PGK1: variants seen among roughly 807,000 people sequenced by gnomAD.
PGK1 encodes PRP 2.
PGK1 carries 3 observed loss-of-function variants against 26.9 expected under a neutral mutation model. That is an observed-to-expected ratio of 0.11 (90% CI 0.05 to 0.29). The LOEUF (loss-of-function observed/expected upper bound fraction) is 0.29, where lower values mean the gene tolerates loss of function less well. PGK1 is among the 10% of genes least tolerant of loss of function. PGK1 has a pLI of 1.00. For synonymous variants in PGK1, 125 were observed against 115.3 expected, an observed-to-expected ratio of 1.08 and a Z score of -0.54; for missense variants, 270 against 314.7, an observed-to-expected ratio of 0.86 and a Z score of 1.07.
chrX:78,125,375 A>G lies in PGK1; in HGVS notation c.1163A>G (p.Lys388Arg). ...TCCAKWNTED[K>R]VSHVSTGGGA... ...TGTGCCAAATGGAACACGGAGGATAAAGTCAGCCATGTGAGCACTGGGGGT... is the reference window on the plus strand; with the variant it reads ...TGTGCCAAATGGAACACGGAGGATAGAGTCAGCCATGTGAGCACTGGGGGT... The change falls in exon 10 of 11, where the codon AAA becomes AGA. Residue 388 changes from lysine (K) to arginine (R), a missense_variant. Transcript: ENST00000373316. The G allele has an allele frequency of 3.3e-6, 4 of 1,209,167 alleles. No individual in the cohort carries two copies. Among genetic ancestry groups the G allele is most frequent in the Non-Finnish European group, 4.5e-6 (4 of 893,313 alleles).
intron 5 of PGK1, 106 bp downstream of exon 5, chrX:78,117,521 C>T (rs2078332557): frequency 1.8e-6 from 1 of 552,354 alleles, no homozygotes; most frequent in Non-Finnish European, 3.2e-6. Context: ...TACTGTAATC[C>T]TTTCAGCTTC....
chrX:78,115,791 T>C (rs368367023), intron 4 of PGK1, among the ~76,000 whole-genome samples: 13 of 112,400 alleles, frequency 1.2e-4, no homozygotes, highest in East Asian at 8.3e-4. Context: ...TGGGTTCTGA[T>C]TGATATTATT....
At position 78,104,295 on chromosome X, in the gene PGK1, C is replaced by G. The variant is rs1340061714; in HGVS notation, c.-46C>G. ...GGAGCGCACGTCGGCAGTCGGCTCC[C>G]TCGTTGACCGAATCACCGACCTCTC... On this transcript the variant is annotated 5_prime_UTR_variant, in exon 1 of 11. Transcript: ENST00000373316. 2.0e-6 allele frequency: 2 copies of G among 1,017,396 alleles called. No homozygotes were observed. Among genetic ancestry groups the G allele is most frequent in the Non-Finnish European group, 2.8e-6 (2 of 721,094 alleles). The allele number at this position is 1,017,396 out of a possible 1,213,427, so 83.8% of individuals were successfully genotyped here. A position where few individuals can be genotyped will look rare whatever the true frequency, so the allele number is the denominator to read the frequency against.
rs782504246 is a variant in PGK1, at chrX:78,125,367, G to A, written c.1155G>A (p.Thr385=). 2.5e-6 allele frequency: 3 copies of A among 1,206,057 alleles called. No homozygotes were observed. Among genetic ancestry groups the A allele is most frequent in the East Asian group, 5.9e-5 (2 of 33,729 alleles). The part of the protein sequence containing the change: ...DTATCCAKWN[T]EDKVSHVSTG... ...CCACTTGCTGTGCCAAATGGAACACGGAGGATAAAGTCAGCCATGTGAGCA... is the reference window on the plus strand; with the variant it reads ...CCACTTGCTGTGCCAAATGGAACACAGAGGATAAAGTCAGCCATGTGAGCA... Residue 385 remains threonine, a synonymous_variant, in exon 10 of 11, where the codon ACG becomes ACA. Coordinates refer to ENST00000373316, the MANE Select transcript of PGK1 (RefSeq NM_000291.4).
chrX:78,104,426 G>T lies in PGK1; in HGVS notation c.65+21G>T, dbSNP rs782559909. The T allele has an allele frequency of 2.0e-5, 23 of 1,129,444 alleles. No individual in the cohort carries two copies. In the East Asian group the frequency reaches 6.0e-4, roughly 29 times the overall value. 93.1% of individuals were successfully genotyped at this position (1,129,444 alleles called of 1,213,427 possible). On this transcript the variant is annotated intron_variant, in intron 1 of 10. Coordinates refer to ENST00000373316, the MANE Select transcript of PGK1 (RefSeq NM_000291.4). ...ATGAGGTAATTCTGCACGTTTGCCC[G>T]CGTGCTCTCTGTGCTCTGTCGCAAA...
At chrX:78,118,001 G>A (rs1557247627) in intron 5 of PGK1, 50 bp from the exon 6 acceptor site, 66 of 1,149,695 alleles carry the variant, frequency 5.7e-5, no homozygotes, top group Non-Finnish European at 7.7e-5. Flanking sequence ...CTAGGACTAG[G>A]AGGAATGATA....
intron 1 of PGK1, chrX:78,106,328 A>AC: frequency 8.1e-6 from 5 of 618,122 alleles, no homozygotes; most frequent in Non-Finnish European, 9.7e-6. Flanking sequence ...CGAGACAATG[A>AC]CCAAGGATAC....
Position 78,127,837 on chromosome X carries a change from T to G in PGK1, c.*2007T>G, listed in dbSNP as rs1452921109. The G allele has an allele frequency of 8.9e-6, 1 of 112,529 alleles. No individual in the cohort carries two copies. The highest frequency in any genetic ancestry group is 3.2e-5 in the African/African-American group (1 of 30,994). The allele number at this position is 112,529 out of a possible 1,213,427, so 9.3% of individuals were successfully genotyped here. Reference sequence around the variant, plus strand: ...AAATTGTACCATGTTTCTGCATACCTCTATGGGTACTCAGGAATTCTAGTC... The same window carrying G: ...AAATTGTACCATGTTTCTGCATACCGCTATGGGTACTCAGGAATTCTAGTC... On this transcript the variant is annotated 3_prime_UTR_variant, in exon 11 of 11. Coordinates refer to ENST00000373316, the MANE Select transcript of PGK1 (RefSeq NM_000291.4).
chrX:78,104,584 A>C (rs1206692164), intron 1 of PGK1, among the ~76,000 whole-genome samples, 179 bp downstream of exon 1: 1 of 111,004 alleles, frequency 9.0e-6, no homozygotes, highest in African/African-American at 3.3e-5. Context: ...CATTTTCCCC[A>C]GCCCAGAAAG....
chrX:78,118,029 G>T (rs1384029048), intron 5 of PGK1, 22 bp from the exon 6 acceptor site: 5 of 1,196,482 alleles, frequency 4.2e-6, no homozygotes, highest in Non-Finnish European at 5.7e-6. Context: ...ACTAGAATCT[G>T]AATGTCTTTG....
intron 1 of PGK1, chrX:78,106,528 G>A (rs1557246227): frequency 1.3e-6 from 1 of 752,537 alleles, no homozygotes; most frequent in South Asian, 6.8e-5. Context: ...TCAACGTGGT[G>A]GTTGCTGGCG....
At chrX:78,115,458 C>T (rs1300788965) in intron 4 of PGK1, among the ~76,000 whole-genome samples, 1 of 110,909 alleles carries the variant, frequency 9.0e-6, no homozygotes, top group Admixed American at 9.6e-5. Context: ...GAGTTCGAGA[C>T]CTGCCTGGCC....
At chrX:78,117,485 G>T in intron 5 of PGK1, 70 bp downstream of exon 5, 1 of 730,192 alleles carries the variant, frequency 1.4e-6, no homozygotes, top group Non-Finnish European at 2.2e-6. Context: ...CCAAGCTCTG[G>T]GTTGTTTTTG....
chrX:78,113,320 A>G (rs911348642), intron 2 of PGK1, among the ~76,000 whole-genome samples: 3 of 111,543 alleles, frequency 2.7e-5, no homozygotes, highest in Non-Finnish European at 5.7e-5. Context: ...AGGAAAAGAA[A>G]AAAAAAATTC....
intron 6 of PGK1, among the ~76,000 whole-genome samples, chrX:78,120,613 G>C (rs1324319638): frequency 9.1e-6 from 1 of 109,584 alleles, no homozygotes; most frequent in Non-Finnish European, 1.9e-5. Context: ...TCCCACCTCA[G>C]CCTCCCTAGT....
Position 78,127,976 on chromosome X carries a change from A to G in PGK1, c.*2146A>G, listed in dbSNP as rs190271806. 8.9e-6 allele frequency: 1 copy of G among 111,997 alleles called. No homozygotes were observed. The allele number at this position is 111,997 out of a possible 1,213,427, so 9.2% of individuals were successfully genotyped here. ...ATAAACCCAGCACCTAGACTCTACAATTGCCAACATTATCTATCCAACAAT... is the reference window on the plus strand; with the variant it reads ...ATAAACCCAGCACCTAGACTCTACAGTTGCCAACATTATCTATCCAACAAT... On this transcript the variant is annotated 3_prime_UTR_variant, in exon 11 of 11. Coordinates refer to ENST00000373316, the MANE Select transcript of PGK1 (RefSeq NM_000291.4).
chrX:78,114,159 A>C lies in PGK1; in HGVS notation c.416A>C (p.Lys139Thr). The change falls in exon 4 of 11, where the codon AAG becomes ACG. Residue 139 changes from lysine (K) to threonine (T), a missense_variant and splice_region_variant. By Grantham distance (78) the Lys-to-Thr change is moderately conservative. Coordinates refer to ENST00000373316, the MANE Select transcript of PGK1 (RefSeq NM_000291.4). Reference sequence around the variant, plus strand: ...AAGGGAAAAGATGCTTCTGGGAACAAGGTAGGACCTGTGATTTTGACATTA... The same window carrying C: ...AAGGGAAAAGATGCTTCTGGGAACACGGTAGGACCTGTGATTTTGACATTA... ...EGKGKDASGNKVKAEPAKIEA... is the reference protein window; with the variant it reads ...EGKGKDASGNTVKAEPAKIEA... The C allele has an allele frequency of 8.3e-7, 1 of 1,209,140 alleles. No homozygotes were observed. The highest frequency in any genetic ancestry group is 1.1e-6 in the Non-Finnish European group (1 of 893,077).
Position 78,104,288 on chromosome X carries a change from C to A in PGK1, c.-53C>A, listed in dbSNP as rs782774228. The A allele has an allele frequency of 3.2e-6, 3 of 945,258 alleles. No individual in the cohort carries two copies. Among genetic ancestry groups the A allele is most frequent in the African/African-American group, 3.8e-5 (2 of 52,425 alleles). The allele number at this position is 945,258 out of a possible 1,213,427, so 77.9% of individuals were successfully genotyped here. A position where few individuals can be genotyped will look rare whatever the true frequency, so the allele number is the denominator to read the frequency against. ...AGCCTCCGGAGCGCACGTCGGCAGT[C>A]GGCTCCCTCGTTGACCGAATCACCG... is the stretch of plus-strand genomic sequence containing the variant. On this transcript the variant is annotated 5_prime_UTR_variant, in exon 1 of 11. Coordinates refer to ENST00000373316, the MANE Select transcript of PGK1 (RefSeq NM_000291.4).
At chrX:78,104,750 C>G (rs1557245998) in intron 1 of PGK1, among the ~76,000 whole-genome samples, 1 of 111,992 alleles carries the variant, frequency 8.9e-6, no homozygotes, top group Admixed American at 9.4e-5. Context: ...CTGCAAATCT[C>G]TAGGCTTCAA....
Sources: gnomAD v4.1 joint callset for allele counts (sites outside exome capture counted in the v4.1 genomes callset) on GRCh38, gnomAD v4.1.1 for gene constraint, MANE v1.5 for transcripts, NCBI Gene and HGNC (gene_info 2026-07-23, HGNC 2026-07-21) for gene names.